Variants in ATP5MG observed in about 807,000 individuals in gnomAD.
ATP5MG encodes the protein ATP synthase F(0) complex subunit g, mitochondrial.
ATP5MG carries 7 observed loss-of-function variants against 12.7 expected under a neutral mutation model. The observed-to-expected ratio is 0.55, with a 90% CI of 0.31 to 1.04. ATP5MG has a LOEUF of 1.04. Among genes scored for constraint, ATP5MG ranks in the 50% least tolerant of loss-of-function variants. The pLI is 0.05. For synonymous variants in ATP5MG, 53 were observed against 48.2 expected (o/e 1.10, Z -0.41); for missense variants, 116 against 126.7 (o/e 0.92, Z 0.41).
At chr11:118,408,678 T>G (rs1948992668) in intron 2 of ATP5MG, among the ~76,000 whole-genome samples, 1 of 152,180 alleles carries the variant, frequency 6.6e-6, no homozygotes, top group South Asian at 2.1e-4. Context: ...GGATGTGGAT[T>G]GTTTTAGGGC....
intron 1 of ATP5MG, among the ~76,000 whole-genome samples, chr11:118,402,531 C>T (rs970600304): frequency 6.6e-6 from 1 of 151,976 alleles, no homozygotes; most frequent in South Asian, 2.1e-4. Flanking sequence ...GTAAGTTTTT[C>T]CTAGATGTGC....
At chr11:118,405,659 A>T in intron 1 of ATP5MG, 1 of 985,144 alleles carries the variant, frequency 1.0e-6, no homozygotes, top group Non-Finnish European at 1.2e-6. Context: ...TCTTTCAGGC[A>T]TTGGCAGTTC....
intron 2 of ATP5MG, among the ~76,000 whole-genome samples, chr11:118,408,079 A>G (rs1948988098): frequency 1.3e-5 from 2 of 152,058 alleles, no homozygotes; most frequent in Non-Finnish European, 2.9e-5. Context: ...GGAGAATGGC[A>G]AGAACCTGGG....
chr11:118,407,264 C>G, intron 2 of ATP5MG, 167 bp downstream of exon 2: 2 of 1,041,296 alleles, frequency 1.9e-6, no homozygotes, highest in Non-Finnish European at 2.7e-6. Context: ...CTAATTTTGT[C>G]ACCTGGGTAG....
intron 1 of ATP5MG, among the ~76,000 whole-genome samples, chr11:118,403,215 C>T (rs1238881995): frequency 6.6e-6 from 1 of 152,198 alleles, no homozygotes; most frequent in African/African-American, 2.4e-5. Context: ...AAAGAGATGG[C>T]CCTGCGGCGG....
At chr11:118,401,870 C>A in intron 1 of ATP5MG, 153 bp downstream of exon 1, 1 of 859,220 alleles carries the variant, frequency 1.2e-6, no homozygotes, top group East Asian at 2.7e-5. Context: ...AGCAGGTTGG[C>A]GACTCTTTTC....
chr11:118,402,696 CTTT>C (rs782335353), intron 1 of ATP5MG, among the ~76,000 whole-genome samples: 1 of 128,194 alleles, frequency 7.8e-6, no homozygotes, highest in Non-Finnish European at 1.6e-5. Flanking sequence ...TTCTTTCTTT[CTTT>C]TTTTTTTTTT....
chr11:118,407,047 A>C lies in ATP5MG; in HGVS notation c.163A>C (p.Lys55Gln). Reference sequence around the variant, plus strand: ...CCCTAGAGCTATTCAGAGCCTGAAAAAAATAGTCAATAGTGCTCAGACTGG... The same window carrying C: ...CCCTAGAGCTATTCAGAGCCTGAAACAAATAGTCAATAGTGCTCAGACTGG... ...EIPRAIQSLK[K>Q]IVNSAQTGSF... Residue 55 changes from lysine to glutamine, a missense_variant, in exon 2 of 3, where the codon AAA becomes CAA. By Grantham distance (53) the Lys-to-Gln change is moderately conservative (BLOSUM62 1). Transcript: ENST00000300688. 2 of 1,614,170 alleles carry C rather than the reference A, an allele frequency of 1.2e-6. No individual in the cohort carries two copies. Among genetic ancestry groups the C allele is most frequent in the South Asian group, 2.2e-5 (2 of 91,064 alleles).
At position 118,405,275 on chromosome 11, in the gene ATP5MG, C is replaced by CAT. The variant is rs1426652980; in HGVS notation, c.53-1657_53-1656dup. ...GCATACTAAGCCATGTATATACATG[C>CAT]ATATATGTATATATAATTATTTCTG... On this transcript the variant is annotated intron_variant, in intron 1 of 2. Transcript: ENST00000300688. Among the ~76,000 whole-genome samples, 41 of 152,088 alleles carry CAT rather than the reference C, an allele frequency of 2.7e-4. 1 individual carries two copies. In the South Asian group the frequency reaches 5.6e-3, roughly 21 times the overall value.
chr11:118,401,679 T>A lies in ATP5MG; in HGVS notation c.14T>A (p.Val5Asp). The change falls in exon 1 of 3, where the codon GTC becomes GAC. Residue 5 changes from valine to aspartate, a missense_variant. Val to Asp is a radical substitution (Grantham distance 152). Coordinates refer to ENST00000300688, the MANE Select transcript of ATP5MG (RefSeq NM_006476.5). ...CATTCCAGAACCATGGCCCAATTTGTCCGTAACCTTGTGGAGAAGACCCCG... is the reference window on the plus strand; with the variant it reads ...CATTCCAGAACCATGGCCCAATTTGACCGTAACCTTGTGGAGAAGACCCCG... MAQF[V>D]RNLVEKTPAL... is the part of the protein sequence containing the mutation. The A allele has an allele frequency of 6.2e-7, 1 of 1,614,050 alleles. No individual in the cohort carries two copies. The highest frequency in any genetic ancestry group is 8.5e-7 in the Non-Finnish European group (1 of 1,179,972).
chr11:118,403,505 A>AT (rs1229057146), intron 1 of ATP5MG, among the ~76,000 whole-genome samples: 8 of 151,090 alleles, frequency 5.3e-5, no homozygotes, highest in African/African-American at 1.7e-4. Flanking sequence ...CAAAAAAAAA[A>AT]AATAATAATG....
chr11:118,405,901 C>T (rs1410869421), intron 1 of ATP5MG, among the ~76,000 whole-genome samples: 4 of 152,126 alleles, frequency 2.6e-5, no homozygotes, highest in African/African-American at 9.7e-5. Context: ...CTCATTCTGT[C>T]CCCCAGACTG....
chr11:118,403,540 A>C (rs546526126), intron 1 of ATP5MG, among the ~76,000 whole-genome samples: 14 of 151,986 alleles, frequency 9.2e-5, no homozygotes, highest in Non-Finnish European at 1.3e-4. Context: ...TCACGCCTGT[A>C]ATCCCAGCAC....
rs782215509 is a variant in ATP5MG, at chr11:118,401,627, G to C, written c.-39G>C. 1.9e-6 allele frequency: 3 copies of C among 1,613,466 alleles called. No individual in the cohort carries two copies. The highest frequency in any genetic ancestry group is 2.5e-6 in the Non-Finnish European group (3 of 1,179,612). ...GGGTCCTTCCGGCGGGTGACATTCA[G>C]CCGGCGGTTCGGGGCGACGGACTCT... On this transcript the variant is annotated 5_prime_UTR_variant, in exon 1 of 3. Transcript: ENST00000300688.
intron 2 of ATP5MG, 105 bp downstream of exon 2, chr11:118,407,202 T>C: frequency 1.3e-6 from 2 of 1,486,150 alleles, no homozygotes; most frequent in African/African-American, 1.4e-5. Context: ...TGAGGCTGAA[T>C]CCAGCATAAT....
At chr11:118,403,588 G>T (rs939097739) in intron 1 of ATP5MG, among the ~76,000 whole-genome samples, 5 of 152,090 alleles carry the variant, frequency 3.3e-5, no homozygotes, top group Non-Finnish European at 7.4e-5. Flanking sequence ...CTGAGGTCAG[G>T]AGTTAGACAC....
chr11:118,409,261 G>T lies in ATP5MG; in HGVS notation c.*163G>T. 1 of 404,496 alleles carries T rather than the reference G, an allele frequency of 2.5e-6. No individual in the cohort carries two copies. Among genetic ancestry groups the T allele is most frequent in the Non-Finnish European group, 4.2e-6 (1 of 236,190 alleles). 25.1% of individuals were successfully genotyped at this position (404,496 alleles called of 1,614,324 possible). ...CACAATTTCTCTTGATATTAAGCTG[G>T]GTTGTCTTTAAACAACCCTAAATAC... is the stretch of plus-strand genomic sequence containing the variant. On this transcript the variant is annotated 3_prime_UTR_variant, in exon 3 of 3. Coordinates refer to ENST00000300688, the MANE Select transcript of ATP5MG (RefSeq NM_006476.5).
chr11:118,401,658 C>A lies in ATP5MG; in HGVS notation c.-8C>A, dbSNP rs782746005. The A allele has an allele frequency of 6.2e-7, 1 of 1,614,122 alleles. No individual in the cohort carries two copies. On this transcript the variant is annotated 5_prime_UTR_variant, in exon 1 of 3. Transcript: ENST00000300688. ...GGTTCGGGGCGACGGACTCTCCATT[C>A]CAGAACCATGGCCCAATTTGTCCGT... is the stretch of plus-strand genomic sequence containing the variant.
chr11:118,401,622 A>T lies in ATP5MG; in HGVS notation c.-44A>T, dbSNP rs374528176. On this transcript the variant is annotated 5_prime_UTR_variant, in exon 1 of 3. Coordinates refer to ENST00000300688, the MANE Select transcript of ATP5MG (RefSeq NM_006476.5). ...GCAGCGGGTCCTTCCGGCGGGTGACATTCAGCCGGCGGTTCGGGGCGACGG... is the reference window on the plus strand; with the variant it reads ...GCAGCGGGTCCTTCCGGCGGGTGACTTTCAGCCGGCGGTTCGGGGCGACGG... 2.5e-6 allele frequency: 4 copies of T among 1,613,238 alleles called. No individual in the cohort carries two copies. Among genetic ancestry groups the T allele is most frequent in the Non-Finnish European group, 1.7e-6 (2 of 1,179,336 alleles).
Sources: gnomAD v4.1 joint callset for allele counts (sites outside exome capture counted in the v4.1 genomes callset) on GRCh38, gnomAD v4.1.1 for gene constraint, MANE v1.5 for transcripts, NCBI Gene and HGNC (gene_info 2026-07-23, HGNC 2026-07-21) for gene names.